Variants in COX11 observed in about 807,000 individuals in gnomAD.
COX11 encodes cytochrome c oxidase assembly protein COX11, mitochondrial.
COX11 carries 18 observed loss-of-function variants against 29.4 expected under a neutral mutation model. That is an observed-to-expected ratio of 0.61 (90% CI 0.42 to 0.91). The LOEUF (loss-of-function observed/expected upper bound fraction) is 0.91, where lower values mean the gene tolerates loss of function less well. COX11 is among the 40% of genes least tolerant of loss of function. The pLI is 0.00. For missense variants in COX11, 312 were observed against 346.0 expected, an observed-to-expected ratio of 0.90 and a Z score of 0.78; for synonymous variants, 131 against 124.0, an observed-to-expected ratio of 1.06 and a Z score of -0.38.
At position 54,968,148 on chromosome 17, in the gene COX11, T is replaced by G. The variant is rs576851355; in HGVS notation, c.366+133A>C. The G allele has an allele frequency of 2.9e-6, 4 of 1,395,258 alleles. No homozygotes were observed. The South Asian group carries it at 5.7e-5, about 20-fold the overall frequency. 86.4% of individuals were successfully genotyped at this position (1,395,258 alleles called of 1,614,324 possible). On this transcript the variant is annotated intron_variant, in intron 1 of 3. Transcript: ENST00000299335. ...GGGTGTTAAGTGACTGTTTTGAACC[T>G]CTCTCCTCTTAGGTAGATAATATCG...
rs1363082501 is a variant in COX11 at position 54,962,197 on chromosome 17, G to T, written c.*536C>A. The T allele has an allele frequency of 8.5e-5, 83 of 975,566 alleles. No homozygotes were observed. Among genetic ancestry groups the T allele is most frequent in the Non-Finnish European group, 9.7e-5 (80 of 821,040 alleles). 60.4% of individuals were successfully genotyped at this position (975,566 alleles called of 1,614,324 possible). On this transcript the variant is annotated 3_prime_UTR_variant, in exon 4 of 4. Transcript: ENST00000299335. ...AAAGGACAAATCAAATTTGAAATAA[G>T]AATTTAAATCTTTGGACAAGCTGTT...
intron 1 of COX11, among the ~76,000 whole-genome samples, chr17:54,967,048 A>G (rs1218313672): frequency 2.2e-3 from 192 of 85,604 alleles, no homozygotes; most frequent in Middle Eastern, 4.9e-3. Flanking sequence ...GCGCGCACAC[A>G]CACACACACA....
chr17:54,963,556 C>T lies in COX11; in HGVS notation c.523-125G>A. The T allele has an allele frequency of 1.9e-5, 17 of 912,962 alleles. No homozygotes were observed. In the South Asian group the frequency reaches 3.1e-4, roughly 17 times the overall value. 56.6% of individuals were successfully genotyped at this position (912,962 alleles called of 1,614,324 possible). A position where few individuals can be genotyped will look rare whatever the true frequency, so the allele number is the denominator to read the frequency against. ...ATAATACCTAATCTAATGTAGGGTT[C>T]AGCAAAATAAATTGTGAATATTACC... On this transcript the variant is annotated intron_variant, in intron 2 of 3. Transcript: ENST00000299335.
Position 54,962,874 on chromosome 17 carries a change from T to C in COX11, c.690A>G (p.Glu230=). 1.2e-6 allele frequency: 2 copies of C among 1,613,018 alleles called. No homozygotes were observed. Among genetic ancestry groups the C allele is most frequent in the Non-Finnish European group, 8.5e-7 (1 of 1,179,260 alleles). ...FEEQRLNPQE[E]VDMPVFFYID... is the part of the protein sequence containing the mutation. ...TGTAGAAAAACACTGGCATATCTAC[T>C]TCCTCTTGGGGATTAAGCCTTTGTT... The change falls in exon 4 of 4, where the codon GAA becomes GAG. Residue 230 remains glutamate (E), a synonymous_variant. Coordinates refer to ENST00000299335, the MANE Select transcript of COX11 (RefSeq NM_004375.5).
rs943128041 is a variant in COX11, at chr17:54,961,688, T to G, written c.*1045A>C. 7.6e-6 allele frequency: 8 copies of G among 1,047,080 alleles called. No homozygotes were observed. The highest frequency in any genetic ancestry group is 9.1e-4 in the Middle Eastern group (2 of 2,204). 64.9% of individuals were successfully genotyped at this position (1,047,080 alleles called of 1,614,324 possible). ...GCCTTCATTTAACTAAAGTTGAATG[T>G]AAAAGTCAATTTGCACTTCTTTATA... is the stretch of plus-strand genomic sequence containing the variant. On this transcript the variant is annotated 3_prime_UTR_variant, in exon 4 of 4. Coordinates refer to ENST00000299335, the MANE Select transcript of COX11 (RefSeq NM_004375.5).
At position 54,968,446 on chromosome 17, in the gene COX11, T is replaced by A; in HGVS notation, c.201A>T (p.Ala67=). 17 of 1,613,420 alleles carry A rather than the reference T, an allele frequency of 1.1e-5. No individual in the cohort carries two copies. The highest frequency in any genetic ancestry group is 1.4e-5 in the Non-Finnish European group (17 of 1,179,980). The change falls in exon 1 of 4, where the codon GCA becomes GCT. Residue 67 remains alanine (A), a synonymous_variant. Transcript: ENST00000299335. ...KRCSLRARHP[A]LQPPRRPKSS... ...TCTTAGGCCGCCGCGGCGGCTGCAA[T>A]GCTGGATGCCGGGCTCGAAGGCTGC...
Position 54,962,688 on chromosome 17 carries a change from T to G in COX11, c.*45A>C. 1 of 1,593,988 alleles carries G rather than the reference T, an allele frequency of 6.3e-7. No individual in the cohort carries two copies. Among genetic ancestry groups the G allele is most frequent in the Non-Finnish European group, 8.5e-7 (1 of 1,173,212 alleles). The stretch of plus-strand genomic sequence containing the variant: ...TCCTTTGAGAAGATAGGATATATGA[T>G]TTTCCCAAAAATCACAACTTTGAAG... On this transcript the variant is annotated 3_prime_UTR_variant, in exon 4 of 4. Coordinates refer to ENST00000299335, the MANE Select transcript of COX11 (RefSeq NM_004375.5).
At position 54,963,247 on chromosome 17, in the gene COX11, C is replaced by T. The variant is rs61254427; in HGVS notation, c.648+59G>A. 11,571 of 1,541,268 alleles carry T rather than the reference C, an allele frequency of 7.5e-3. 300 individuals carry two copies. Among genetic ancestry groups the T allele is most frequent in the African/African-American group, 0.063 (4,516 of 71,978 alleles). On this transcript the variant is annotated intron_variant, in intron 3 of 3. Coordinates refer to ENST00000299335, the MANE Select transcript of COX11 (RefSeq NM_004375.5). ...CAAGATCTACTAAAACACTAAGTTT[C>T]ATACTAAACCGTTTCATGTATCTTT...
downstream of COX11, chr17:54,958,339 GAACCCA>G (rs1275871118): frequency 6.6e-6 from 1 of 152,214 alleles, no homozygotes; most frequent in Non-Finnish European, 1.5e-5. Context: ...GATGAAGACA[GAACCCA>G]AATTTCAGTG....
rs1567853095 is a variant in COX11, at chr17:54,961,162, CAA to C, written c.*1569_*1570del. On this transcript the variant is annotated 3_prime_UTR_variant, in exon 4 of 4. Coordinates refer to ENST00000299335, the MANE Select transcript of COX11 (RefSeq NM_004375.5). The stretch of plus-strand genomic sequence containing the variant: ...TGACTCTCCAGCTTCCCAGTAAAGA[CAA>C]GAGAGTTATCAAGGAATGGGGAAAG... The C allele has an allele frequency of 7.5e-6, 8 of 1,064,806 alleles. No individual in the cohort carries two copies. The highest frequency in any genetic ancestry group is 1.6e-5 in the African/African-American group (1 of 63,486). 66.0% of individuals were successfully genotyped at this position (1,064,806 alleles called of 1,614,324 possible).
At position 54,960,754 on chromosome 17, in the gene COX11, C is replaced by T; in HGVS notation, c.*1979G>A. 2 of 683,012 alleles carry T rather than the reference C, an allele frequency of 2.9e-6. No homozygotes were observed. Among genetic ancestry groups the T allele is most frequent in the Non-Finnish European group, 5.1e-6 (2 of 388,512 alleles). The allele number at this position is 683,012 out of a possible 1,614,324, so 42.3% of individuals were successfully genotyped here. A position where few individuals can be genotyped will look rare whatever the true frequency, so the allele number is the denominator to read the frequency against. The stretch of plus-strand genomic sequence containing the variant: ...AGTCTGACACTTTGAAATATGAGTT[C>T]CCCTGAATCATTCAAATTGTGCTGA... On this transcript the variant is annotated 3_prime_UTR_variant, in exon 4 of 4. Coordinates refer to ENST00000299335, the MANE Select transcript of COX11 (RefSeq NM_004375.5).
At chr17:54,963,062 G>T in intron 3 of COX11, 147 bp from the exon 4 acceptor site, 1 of 804,686 alleles carries the variant, frequency 1.2e-6, no homozygotes, top group Non-Finnish European at 1.9e-6. Context: ...TAAATTAAGA[G>T]CATCTTTTCA....
Position 54,961,661 on chromosome 17 carries a change from G to A in COX11, c.*1072C>T. Reference sequence around the variant, plus strand: ...ATGTATTATTCAGGAAGAATACTGAGTGCCTTCATTTAACTAAAGTTGAAT... The same window carrying A: ...ATGTATTATTCAGGAAGAATACTGAATGCCTTCATTTAACTAAAGTTGAAT... On this transcript the variant is annotated 3_prime_UTR_variant, in exon 4 of 4. Coordinates refer to ENST00000299335, the MANE Select transcript of COX11 (RefSeq NM_004375.5). 1 of 1,065,216 alleles carries A rather than the reference G, an allele frequency of 9.4e-7. No homozygotes were observed. The allele number at this position is 1,065,216 out of a possible 1,614,324, so 66.0% of individuals were successfully genotyped here.
In COX11 at chr17:54,960,749, G is replaced by GAGTGTTTC. The variant is rs538999197; in HGVS notation, c.*1983_*1984insGAAACACT. ...ATCTGAGTCTGACACTTTGAAATAT[G>GAGTGTTTC]AGTTCCCCTGAATCATTCAAATTGT... On this transcript the variant is annotated 3_prime_UTR_variant, in exon 4 of 4. Coordinates refer to ENST00000299335, the MANE Select transcript of COX11 (RefSeq NM_004375.5). 1,582 of 706,550 alleles carry GAGTGTTTC rather than the reference G, an allele frequency of 2.2e-3. 32 individuals are homozygous for GAGTGTTTC. The South Asian group carries it at 0.026, about 11-fold the overall frequency. The allele number at this position is 706,550 out of a possible 1,614,324, so 43.8% of individuals were successfully genotyped here. A position where few individuals can be genotyped will look rare whatever the true frequency, so the allele number is the denominator to read the frequency against.
intron 2 of COX11, chr17:54,964,489 A>C: frequency 3.7e-6 from 2 of 542,156 alleles, no homozygotes; most frequent in Non-Finnish European, 6.4e-6. Flanking sequence ...CCCATAGACT[A>C]CTTTTTAATA....
At chr17:54,966,848 C>T (rs1322998261) in intron 1 of COX11, among the ~76,000 whole-genome samples, 2 of 152,136 alleles carry the variant, frequency 1.3e-5, no homozygotes, top group African/African-American at 2.4e-5. Context: ...AAAGAAAAGT[C>T]CTTTTGTCTT....
intron 1 of COX11, among the ~76,000 whole-genome samples, chr17:54,967,991 C>G (rs1391101479): frequency 2.9e-5 from 3 of 104,634 alleles, no homozygotes; most frequent in African/African-American, 1.1e-4. Flanking sequence ...TTAGAGGCTG[C>G]GGACCTTTTT....
exon 1 of COX11, chr17:54,952,546 C>CAA (rs71159275): frequency 0.2 from 18,149 of 89,588 alleles, 2,076 homozygotes; most frequent in East Asian, 0.32. Flanking sequence ...GAGACTGTCT[C>CAA]AAAAAAAAAA....
At position 54,968,207 on chromosome 17, in the gene COX11, G is replaced by A. The variant is rs943056418; in HGVS notation, c.366+74C>T. The A allele has an allele frequency of 2.6e-6, 4 of 1,552,034 alleles. No individual in the cohort carries two copies. In the African/African-American group the frequency reaches 4.1e-5, roughly 16 times the overall value. ...TTCCACCTACGACCCGCAGAGCGAG[G>A]GCTTGTCCCGGGATTTGTCTTGCAC... On this transcript the variant is annotated intron_variant, in intron 1 of 3. Coordinates refer to ENST00000299335, the MANE Select transcript of COX11 (RefSeq NM_004375.5).
Sources: gnomAD v4.1 joint callset for allele counts (sites outside exome capture counted in the v4.1 genomes callset) on GRCh38, gnomAD v4.1.1 for gene constraint, MANE v1.5 for transcripts, NCBI Gene and HGNC (gene_info 2026-07-23, HGNC 2026-07-21) for gene names.